VAV3: variants seen among roughly 807,000 people sequenced by gnomAD.
The protein encoded by VAV3 is vav guanine nucleotide exchange factor 3.
Under a neutral mutation model 131.2 loss-of-function variants are expected in VAV3, and 94 were observed. The ratio of observed to expected loss-of-function variants is 0.72; its 90% CI spans 0.61 to 0.85. VAV3 has a LOEUF of 0.85. Ranked by LOEUF, VAV3 falls within the 40% of genes least tolerant of loss-of-function variation. The probability of loss-of-function intolerance (pLI) is 0.00; values close to 1 mark genes in which losing one functional copy is unlikely to be tolerated. For synonymous variants in VAV3, 349 were observed against 342.0 expected, an observed-to-expected ratio of 1.02 and a Z score of -0.22; for missense variants, 939 against 1,002.7, an observed-to-expected ratio of 0.94 and a Z score of 0.86.
At position 107,852,785 on chromosome 1, in the gene VAV3, A is replaced by G. The variant is rs554035881; in HGVS notation, c.321+22116T>C. 2.6e-5 allele frequency among the ~76,000 whole-genome samples: 4 copies of G among 152,284 alleles called. No individual in the cohort carries two copies. The East Asian group carries it at 7.7e-4, about 29-fold the overall frequency. ...GTATATTTACTAGGTCAAAGACCAT[A>G]AACAATTTTAAGATTTTAGATAGAC... On this transcript the variant is annotated intron_variant, in intron 2 of 26. Transcript: ENST00000370056.
At chr1:107,905,061 T>A (rs1393386354) in intron 1 of VAV3, among the ~76,000 whole-genome samples, 2 of 152,148 alleles carry the variant, frequency 1.3e-5, no homozygotes, top group East Asian at 3.9e-4. Context: ...TCAAGGAATA[T>A]CAAGGAGCCA....
chr1:107,905,489 T>C (rs967772410), intron 1 of VAV3, among the ~76,000 whole-genome samples: 2 of 152,098 alleles, frequency 1.3e-5, no homozygotes, highest in African/African-American at 4.8e-5. Flanking sequence ...AGTAGACCCA[T>C]GGTAACTGTT....
intron 2 of VAV3, among the ~76,000 whole-genome samples, chr1:107,788,281 C>T (rs1232641785): frequency 1.3e-5 from 2 of 152,010 alleles, no homozygotes; most frequent in African/African-American, 4.8e-5. Context: ...TTCTTAAATG[C>T]AGAGTGCCAG....
chr1:107,624,693 A>T (rs921389065), intron 20 of VAV3, among the ~76,000 whole-genome samples: 1 of 152,226 alleles, frequency 6.6e-6, no homozygotes, highest in Non-Finnish European at 1.5e-5. Flanking sequence ...AAATATTCTG[A>T]GTCATAGCAC....
intron 1 of VAV3, among the ~76,000 whole-genome samples, chr1:107,890,088 A>G (rs566277181): frequency 6.6e-6 from 1 of 152,288 alleles, no homozygotes; most frequent in South Asian, 2.1e-4. Context: ...TTTTATAAAA[A>G]TAAAATTTTA....
At chr1:107,836,931 C>CA (rs112797988) in intron 2 of VAV3, among the ~76,000 whole-genome samples, 13 of 150,302 alleles carry the variant, frequency 8.6e-5, no homozygotes, top group South Asian at 4.2e-4. Flanking sequence ...AACCTACCAA[C>CA]AAAAAAAAAC....
intron 2 of VAV3, among the ~76,000 whole-genome samples, chr1:107,819,362 T>C (rs940258017): frequency 4.6e-5 from 7 of 152,056 alleles, no homozygotes; most frequent in Non-Finnish European, 8.8e-5. Flanking sequence ...TTAATTCTTA[T>C]TTCAAAAACA....
intron 17 of VAV3, among the ~76,000 whole-genome samples, chr1:107,698,047 T>C (rs892371986): frequency 1.3e-5 from 2 of 152,186 alleles, no homozygotes; most frequent in Non-Finnish European, 2.9e-5. Flanking sequence ...CTTGGTTGTA[T>C]TGAACAAGAA....
At chr1:107,683,424 C>T in intron 19 of VAV3, 64 bp downstream of exon 19, 1 of 1,579,682 alleles carries the variant, frequency 6.3e-7, no homozygotes, top group African/African-American at 1.3e-5. Context: ...CACAGCAATT[C>T]CCATATCCTT....
intron 18 of VAV3, among the ~76,000 whole-genome samples, chr1:107,684,341 T>A (rs576397277): frequency 6.6e-6 from 1 of 152,366 alleles, no homozygotes; most frequent in Admixed American, 6.5e-5. Flanking sequence ...ATGACTATCA[T>A]ACAATCTAGA....
chr1:107,713,029 G>T (rs1414546612), intron 15 of VAV3, among the ~76,000 whole-genome samples: 1 of 152,134 alleles, frequency 6.6e-6, no homozygotes, highest in African/African-American at 2.4e-5. Flanking sequence ...AAGAAAGCTA[G>T]ATTTCTATTC....
At chr1:107,579,555 G>A (rs1049007233) in intron 25 of VAV3, among the ~76,000 whole-genome samples, 13 of 152,192 alleles carry the variant, frequency 8.5e-5, no homozygotes, top group African/African-American at 2.4e-4. Flanking sequence ...GAAGTTAATC[G>A]TTCAGTAATT....
intron 19 of VAV3, among the ~76,000 whole-genome samples, chr1:107,675,081 T>C (rs1658094518): frequency 6.6e-6 from 1 of 152,174 alleles, no homozygotes; most frequent in South Asian, 2.1e-4. Context: ...ATATCTTAAG[T>C]GAAGTATTGT....
intron 19 of VAV3, among the ~76,000 whole-genome samples, chr1:107,648,410 C>T (rs1655899711): frequency 6.6e-6 from 1 of 151,952 alleles, no homozygotes; most frequent in East Asian, 1.9e-4. Context: ...TATAAAATTT[C>T]ATGTGTTACT....
chr1:107,645,821 G>A (rs1217823392), intron 19 of VAV3, among the ~76,000 whole-genome samples: 2 of 151,934 alleles, frequency 1.3e-5, no homozygotes, highest in African/African-American at 4.8e-5. Context: ...TTTAATATAG[G>A]TTTTCTTCTC....
intron 15 of VAV3, among the ~76,000 whole-genome samples, chr1:107,719,059 A>G (rs1351614809): frequency 6.6e-6 from 1 of 152,236 alleles, no homozygotes; most frequent in African/African-American, 2.4e-5. Context: ...CATTAATTCA[A>G]GATGGATTAA....
intron 25 of VAV3, among the ~76,000 whole-genome samples, chr1:107,586,139 GTT>G (rs61276973): frequency 0.61 from 89,198 of 145,712 alleles, 27,603 homozygotes; most frequent in Non-Finnish European, 0.68. Flanking sequence ...CCTTGGCATA[GTT>G]TTTTTTTTTT....
chr1:107,743,585 T>C (rs896993828), intron 15 of VAV3, among the ~76,000 whole-genome samples: 1 of 152,206 alleles, frequency 6.6e-6, no homozygotes, highest in African/African-American at 2.4e-5. Flanking sequence ...TCATTGTTAT[T>C]TGCCCAGGGC....
intron 15 of VAV3, among the ~76,000 whole-genome samples, chr1:107,707,565 T>G (rs1660529398): frequency 6.6e-6 from 1 of 152,232 alleles, no homozygotes; most frequent in East Asian, 1.9e-4. Flanking sequence ...GAGTCCCTTT[T>G]TAGGTCTGTG....
Sources: allele counts gnomAD v4.1 joint callset (sites outside exome capture counted in the v4.1 genomes callset), GRCh38; gene constraint gnomAD v4.1.1; transcripts MANE v1.5; gene names NCBI Gene and HGNC (gene_info 2026-07-23, HGNC 2026-07-21).